The following SIX1 variants were observed in gnomAD, a reference collection of about 807,000 sequenced individuals.
The protein encoded by SIX1 is homeobox protein SIX1.
SIX1 carries 11 observed loss-of-function variants against 26.5 expected under a neutral mutation model. That is an observed-to-expected ratio of 0.41 (90% CI 0.26 to 0.69). The LOEUF is 0.69. SIX1 is among the 30% of genes least tolerant of loss of function. SIX1 has a pLI of 0.28. For synonymous variants in SIX1, 177 were observed against 166.2 expected (o/e 1.06, Z -0.50); for missense variants, 333 against 365.9 (o/e 0.91, Z 0.73).
chr14:60,648,953 G>A lies in SIX1; in HGVS notation c.237C>T (p.Asn79=), dbSNP rs1262130947. ...GCCACAGTTGCTGCAGTTTGGGGTG[G>A]TTGTGAGGCGAGAACTGGTGGCTCT... ...ILESHQFSPH[N]HPKLQQLWLK... Residue 79 remains asparagine (N), a synonymous_variant, in exon 1 of 2, where the codon AAC becomes AAT. Transcript: ENST00000645694. This position sits in a 1 kb window ranked among gnomAD's most constrained non-coding sequence, Gnocchi z 7.9. The A allele has an allele frequency of 6.2e-7, 1 of 1,614,222 alleles. No individual in the cohort carries two copies. Among genetic ancestry groups the A allele is most frequent in the Admixed American group, 1.7e-5 (1 of 60,032 alleles).
Position 60,648,502 on chromosome 14 carries a change from G to T in SIX1, c.560+128C>A. ...CTGCAGCGCCGCGGAGGGCCTGCGC[G>T]CCGCCCCGTGGACGGGCTCCGGCCG... On this transcript the variant is annotated intron_variant, in intron 1 of 1. Coordinates refer to ENST00000645694, the MANE Select transcript of SIX1 (RefSeq NM_005982.4). This position sits in a 1 kb window ranked among gnomAD's most constrained non-coding sequence, Gnocchi z 7.9. 1.2e-6 allele frequency: 1 copy of T among 868,368 alleles called. No homozygotes were observed. The highest frequency in any genetic ancestry group is 1.8e-6 in the Non-Finnish European group (1 of 562,224). 53.8% of individuals were successfully genotyped at this position (868,368 alleles called of 1,614,324 possible).
At position 60,648,523 on chromosome 14, in the gene SIX1, G is replaced by C. The variant is rs1039613398; in HGVS notation, c.560+107C>G. 3.2e-5 allele frequency: 38 copies of C among 1,170,668 alleles called. No homozygotes were observed. Among genetic ancestry groups the C allele is most frequent in the Non-Finnish European group, 4.3e-5 (35 of 821,048 alleles). The allele number at this position is 1,170,668 out of a possible 1,614,324, so 72.5% of individuals were successfully genotyped here. ...GCGCGCCGCCCCGTGGACGGGCTCC[G>C]GCCGGCGGGGAGGACTTGGTGGCTG... On this transcript the variant is annotated intron_variant, in intron 1 of 1. Transcript: ENST00000645694. The surrounding 1 kb of genome is among the most constrained non-coding windows in gnomAD (Gnocchi z 7.9).
Position 60,643,814 on chromosome 14 carries a change from A to G in SIX1, c.*2469T>C, listed in dbSNP as rs1353185822. 1 of 152,210 alleles carries G rather than the reference A, an allele frequency of 6.6e-6. No individual in the cohort carries two copies. 9.4% of individuals were successfully genotyped at this position (152,210 alleles called of 1,614,324 possible). A position where few individuals can be genotyped will look rare whatever the true frequency, so the allele number is the denominator to read the frequency against. On this transcript the variant is annotated 3_prime_UTR_variant, in exon 2 of 2. Transcript: ENST00000645694. Reference sequence around the variant, plus strand: ...CACATCTGGAATATGCGCGCTCTGGATTTAGTGCCAGGGGTTTTACAAAGA... The same window carrying G: ...CACATCTGGAATATGCGCGCTCTGGGTTTAGTGCCAGGGGTTTTACAAAGA...
rs770253091 is a variant in SIX1, at chr14:60,649,027, C to T, written c.163G>A (p.Val55Met). ...KNESVLKAKA[V>M]VAFHRGNFRE... is the part of the protein sequence containing the mutation. ...AAGTTGCCGCGGTGGAAGGCGACCA[C>T]CGCCTTGGCCTTGAGTACGCTCTCG... Residue 55 changes from valine to methionine, a missense_variant, in exon 1 of 2, where the codon GTG becomes ATG. Around this residue, in one of 3 missense-constraint regions of SIX1, gnomAD observed 133 missense variants for 131.8 expected, o/e 1.01. Transcript: ENST00000645694. The surrounding 1 kb of genome is among the most constrained non-coding windows in gnomAD (Gnocchi z 5.1). The T allele has an allele frequency of 6.2e-7, 1 of 1,614,000 alleles. No individual in the cohort carries two copies. The highest frequency in any genetic ancestry group is 2.2e-5 in the East Asian group (1 of 44,874).
At position 60,647,532 on chromosome 14, in the gene SIX1, T is replaced by A. The variant is rs1383621834; in HGVS notation, c.561-955A>T. 1.3e-5 allele frequency among the ~76,000 whole-genome samples: 2 copies of A among 152,146 alleles called. No individual in the cohort carries two copies. Among genetic ancestry groups the A allele is most frequent in the Non-Finnish European group, 2.9e-5 (2 of 68,018 alleles). On this transcript the variant is annotated intron_variant, in intron 1 of 1. Transcript: ENST00000645694. This position sits in a 1 kb window ranked among gnomAD's most constrained non-coding sequence, Gnocchi z 5.1. ...CCTCCCGACTCCTAGCGCCTGTCTGTCTCCTTTCTTTCCCCTTATCCTCAC... is the reference window on the plus strand; with the variant it reads ...CCTCCCGACTCCTAGCGCCTGTCTGACTCCTTTCTTTCCCCTTATCCTCAC...
chr14:60,643,943 C>T lies in SIX1; in HGVS notation c.*2340G>A, dbSNP rs1894899159. 1 of 152,318 alleles carries T rather than the reference C, an allele frequency of 6.6e-6. No homozygotes were observed. Among genetic ancestry groups the T allele is most frequent in the African/African-American group, 2.4e-5 (1 of 41,568 alleles). 9.4% of individuals were successfully genotyped at this position (152,318 alleles called of 1,614,324 possible). A position where few individuals can be genotyped will look rare whatever the true frequency, so the allele number is the denominator to read the frequency against. On this transcript the variant is annotated 3_prime_UTR_variant, in exon 2 of 2. Coordinates refer to ENST00000645694, the MANE Select transcript of SIX1 (RefSeq NM_005982.4). ...TCTTGCTCCTCGCCGGATCTGCAGACATTTCCAAGATTCACCAACTAAGGG... is the reference window on the plus strand; with the variant it reads ...TCTTGCTCCTCGCCGGATCTGCAGATATTTCCAAGATTCACCAACTAAGGG...
rs941916393 is a variant in SIX1, at chr14:60,647,301, C to T, written c.561-724G>A. On this transcript the variant is annotated intron_variant, in intron 1 of 1. Coordinates refer to ENST00000645694, the MANE Select transcript of SIX1 (RefSeq NM_005982.4). The surrounding 1 kb of genome is among the most constrained non-coding windows in gnomAD (Gnocchi z 5.1). ...ACAATCCCTGTTCCTGTGTTACTTG[C>T]TAACTCTTCAGCCCCTCGTGTCCCC... 1.1e-4 allele frequency among the ~76,000 whole-genome samples: 16 copies of T among 152,220 alleles called. No individual in the cohort carries two copies. The highest frequency in any genetic ancestry group is 3.6e-4 in the African/African-American group (15 of 41,462).
chr14:60,646,662 A>C, intron 1 of SIX1, 85 bp from the exon 2 acceptor site: 3 of 1,221,882 alleles, frequency 2.5e-6, no homozygotes, highest in East Asian at 2.5e-5. Flanking sequence ...AGATGGAGGG[A>C]GGGGAGCTGG....
In SIX1 at chr14:60,647,303, A is replaced by C. The variant is rs1894965678; in HGVS notation, c.561-726T>G. Among the ~76,000 whole-genome samples the C allele has an allele frequency of 6.6e-6, 1 of 152,188 alleles. No individual in the cohort carries two copies. Among genetic ancestry groups the C allele is most frequent in the African/African-American group, 2.4e-5 (1 of 41,436 alleles). On this transcript the variant is annotated intron_variant, in intron 1 of 1. Transcript: ENST00000645694. The surrounding 1 kb of genome is among the most constrained non-coding windows in gnomAD (Gnocchi z 5.1). Reference sequence around the variant, plus strand: ...AATCCCTGTTCCTGTGTTACTTGCTAACTCTTCAGCCCCTCGTGTCCCCCT... The same window carrying C: ...AATCCCTGTTCCTGTGTTACTTGCTCACTCTTCAGCCCCTCGTGTCCCCCT...
In SIX1 at chr14:60,646,331, G is replaced by C; in HGVS notation, c.807C>G (p.Asp269Glu). The C allele has an allele frequency of 6.2e-7, 1 of 1,613,918 alleles. No homozygotes were observed. ...GLQTHQHQLQDSLLGPLTSSL... is the reference protein window; with the variant it reads ...GLQTHQHQLQESLLGPLTSSL... ...TGGAGGTGAGGGGGCCGAGCAGAGAGTCTTGGAGCTGATGCTGGTGGGTCT... is the reference window on the plus strand; with the variant it reads ...TGGAGGTGAGGGGGCCGAGCAGAGACTCTTGGAGCTGATGCTGGTGGGTCT... The change falls in exon 2 of 2, where the codon GAC becomes GAG. Residue 269 changes from aspartate (D) to glutamate (E), a missense_variant. By Grantham distance (45) the Asp-to-Glu change is conservative. Coordinates refer to ENST00000645694, the MANE Select transcript of SIX1 (RefSeq NM_005982.4).
rs1179180089 is a variant in SIX1 at position 60,647,417 on chromosome 14, C to T, written c.561-840G>A. On this transcript the variant is annotated intron_variant, in intron 1 of 1. Transcript: ENST00000645694. This position sits in a 1 kb window ranked among gnomAD's most constrained non-coding sequence, Gnocchi z 5.1. ...CCGCACAGGCTGCCAGCGGGCGCGGCGCGCTGGGGCGTCAGTCCGGGCACT... is the reference window on the plus strand; with the variant it reads ...CCGCACAGGCTGCCAGCGGGCGCGGTGCGCTGGGGCGTCAGTCCGGGCACT... Among the ~76,000 whole-genome samples the T allele has an allele frequency of 6.6e-6, 1 of 152,194 alleles. No individual in the cohort carries two copies. Among genetic ancestry groups the T allele is most frequent in the Non-Finnish European group, 1.5e-5 (1 of 68,030 alleles).
In SIX1 at chr14:60,645,827, A is replaced by G. The variant is rs1894928552; in HGVS notation, c.*456T>C. 6.6e-6 allele frequency: 1 copy of G among 152,630 alleles called. No individual in the cohort carries two copies. The allele number at this position is 152,630 out of a possible 1,614,324, so 9.5% of individuals were successfully genotyped here. A position where few individuals can be genotyped will look rare whatever the true frequency, so the allele number is the denominator to read the frequency against. On this transcript the variant is annotated 3_prime_UTR_variant, in exon 2 of 2. Transcript: ENST00000645694. The surrounding 1 kb of genome is among the most constrained non-coding windows in gnomAD (Gnocchi z 4.6). ...GGAGGCTCTTATTTTCACTATTTTTATCTCCCTTTCTCTTTCTCTTTCCAT... is the reference window on the plus strand; with the variant it reads ...GGAGGCTCTTATTTTCACTATTTTTGTCTCCCTTTCTCTTTCTCTTTCCAT...
intron 1 of SIX1, 88 bp from the exon 2 acceptor site, chr14:60,646,665 G>C (rs1428541958): frequency 2.2e-3 from 2,021 of 908,708 alleles, no homozygotes; most frequent in Non-Finnish European, 2.9e-3. Context: ...TGGAGGGAGG[G>C]GAGCTGGAAG....
rs756912951 is a variant in SIX1, at chr14:60,648,963, G to A, written c.227C>T (p.Ser76Leu). Residue 76 changes from serine to leucine, a missense_variant, in exon 1 of 2, where the codon TCG becomes TTG. Transcript: ENST00000645694. The surrounding 1 kb of genome is among the most constrained non-coding windows in gnomAD (Gnocchi z 7.9). ...LYKILESHQF[S>L]PHNHPKLQQL... ...CTGCAGTTTGGGGTGGTTGTGAGGC[G>A]AGAACTGGTGGCTCTCCAGGATCTT... 6 of 1,614,202 alleles carry A rather than the reference G, an allele frequency of 3.7e-6. 1 individual carries two copies. Among genetic ancestry groups the A allele is most frequent in the East Asian group, 2.2e-5 (1 of 44,876 alleles).
chr14:60,646,662 AG>A (rs1894949333), intron 1 of SIX1, 85 bp from the exon 2 acceptor site: 3 of 1,221,870 alleles, frequency 2.5e-6, no homozygotes, highest in African/African-American at 3.2e-5. Context: ...AGATGGAGGG[AG>A]GGGAGCTGGA....
In SIX1 at chr14:60,647,702, T is replaced by C. The variant is rs999332637; in HGVS notation, c.560+928A>G. ...CTAACCGGCCCCTGCGCTCAGGTTT[T>C]CCCCCAAACTCTTTGGCTTCGCGGA... On this transcript the variant is annotated intron_variant, in intron 1 of 1. Coordinates refer to ENST00000645694, the MANE Select transcript of SIX1 (RefSeq NM_005982.4). This position sits in a 1 kb window ranked among gnomAD's most constrained non-coding sequence, Gnocchi z 5.1. 4.6e-5 allele frequency among the ~76,000 whole-genome samples: 7 copies of C among 151,864 alleles called. No individual in the cohort carries two copies. Among genetic ancestry groups the C allele is most frequent in the Non-Finnish European group, 8.8e-5 (6 of 67,942 alleles).
At position 60,646,016 on chromosome 14, in the gene SIX1, GGTTT is replaced by G; in HGVS notation, c.*263_*266del. On this transcript the variant is annotated 3_prime_UTR_variant, in exon 2 of 2. Transcript: ENST00000645694. The stretch of plus-strand genomic sequence containing the variant: ...GTGCCTGGGTGCTTTTGTTTGTTTG[GGTTT>G]TTTTTTTTTTTTTTCCCTGATCTCT... 1.0e-5 allele frequency: 2 copies of G among 198,026 alleles called. No individual in the cohort carries two copies. The allele number at this position is 198,026 out of a possible 1,614,324, so 12.3% of individuals were successfully genotyped here. A position where few individuals can be genotyped will look rare whatever the true frequency, so the allele number is the denominator to read the frequency against.
chr14:60,648,024 G>A lies in SIX1; in HGVS notation c.560+606C>T, dbSNP rs1169607196. ...ACCCTTTCTTAATTTGGGGCGCCGGGGAGTAAATGCAGCGCCAACTCTCCC... is the reference window on the plus strand; with the variant it reads ...ACCCTTTCTTAATTTGGGGCGCCGGAGAGTAAATGCAGCGCCAACTCTCCC... On this transcript the variant is annotated intron_variant, in intron 1 of 1. Transcript: ENST00000645694. The surrounding 1 kb of genome is among the most constrained non-coding windows in gnomAD (Gnocchi z 7.9). Among the ~76,000 whole-genome samples, 2 of 152,284 alleles carry A rather than the reference G, an allele frequency of 1.3e-5. No homozygotes were observed. Among genetic ancestry groups the A allele is most frequent in the Admixed American group, 6.5e-5 (1 of 15,304 alleles).
At position 60,646,380 on chromosome 14, in the gene SIX1, G is replaced by C; in HGVS notation, c.758C>G (p.Ala253Gly). Reference protein sequence around the residue: ...SSNYSLPGLTASQPSHGLQTH... With the variant: ...SSNYSLPGLTGSQPSHGLQTH... ...CTGCAGGCCGTGACTGGGCTGCGAG[G>C]CTGTTAAGCCCGGGAGAGAATAGTT... is the stretch of plus-strand genomic sequence containing the variant. Residue 253 changes from alanine (A) to glycine (G), a missense_variant, in exon 2 of 2, where the codon GCC becomes GGC. Physicochemically the swap from Ala to Gly is moderately conservative, Grantham distance 60 (BLOSUM62 0). This residue lies in a region of SIX1 where 199 missense variants were observed against 215.2 expected (regional missense o/e 0.92). Transcript: ENST00000645694. 1.9e-6 allele frequency: 3 copies of C among 1,614,038 alleles called. No individual in the cohort carries two copies. The highest frequency in any genetic ancestry group is 2.2e-5 in the South Asian group (2 of 91,080).
Sources: gnomAD v4.1 joint callset for allele counts (sites outside exome capture counted in the v4.1 genomes callset) on GRCh38, gnomAD v4.1.1 for gene constraint, gnomAD v4.1.1 regional missense constraint, Gnocchi (gnomAD v3.1) non-coding constraint, MANE v1.5 for transcripts, NCBI Gene and HGNC (gene_info 2026-07-23, HGNC 2026-07-21) for gene names.